CCDC32: variants seen among roughly 807,000 people sequenced by gnomAD.
CCDC32 encodes coiled-coil domain-containing protein 32.
A neutral mutation model predicts 20.1 loss-of-function variants in CCDC32; 9 were observed. That is an observed-to-expected ratio of 0.45 (90% CI 0.27 to 0.78). The LOEUF (loss-of-function observed/expected upper bound fraction) is 0.78, where lower values mean the gene tolerates loss of function less well. Among genes scored for constraint, CCDC32 ranks in the 30% least tolerant of loss-of-function variants. CCDC32 has a pLI of 0.16. For synonymous variants in CCDC32, 63 were observed against 79.0 expected (o/e 0.80, Z 1.07); for missense variants, 204 against 215.5 (o/e 0.95, Z 0.33).
chr15:40,550,754 C>T (rs762368218), downstream of CCDC32, among the ~76,000 whole-genome samples: 16 of 152,170 alleles, frequency 1.1e-4, no homozygotes, highest in African/African-American at 1.7e-4. Context: ...CCTCTCACAC[C>T]GCACCCAGGT....
At chr15:40,523,280 G>A in the CCDC32 span, among the ~76,000 whole-genome samples, 1 of 151,806 alleles carries the variant, frequency 6.6e-6, no homozygotes, top group Non-Finnish European at 1.5e-5. Context: ...TGAGGTGGGT[G>A]GATCACCTGA....
intron 3 of CCDC32, among the ~76,000 whole-genome samples, chr15:40,554,342 T>C (rs562366103): frequency 6.6e-6 from 1 of 152,284 alleles, no homozygotes; most frequent in East Asian, 1.9e-4. Flanking sequence ...GTGGGCACTT[T>C]GACTACAGGC....
At chr15:40,528,869 C>A (rs752662782) in intron 3 of CCDC32, 63 of 666,008 alleles carry the variant, frequency 9.5e-5, no homozygotes, top group Non-Finnish European at 1.6e-4. Flanking sequence ...GGCTCTGAGC[C>A]TGGGATTTCC....
downstream of CCDC32, chr15:40,535,695 A>G: frequency 1.0e-6 from 1 of 962,452 alleles, no homozygotes; most frequent in African/African-American, 1.8e-5. Context: ...GGAAGTCATC[A>G]GTGTGCGGGA....
the CCDC32 span, among the ~76,000 whole-genome samples, chr15:40,521,778 G>T: frequency 3.3e-5 from 5 of 152,268 alleles, no homozygotes; most frequent in African/African-American, 1.2e-4. Flanking sequence ...TGTCTATTCA[G>T]ATCCTTTGCC....
chr15:40,535,549 C>T, downstream of CCDC32: 1 of 985,762 alleles, frequency 1.0e-6, no homozygotes, highest in Non-Finnish European at 1.2e-6. Context: ...TCTCCTCCTC[C>T]ACTCAGCTTC....
chr15:40,539,590 C>T (rs1023659119), intron 3 of CCDC32, among the ~76,000 whole-genome samples: 5 of 152,152 alleles, frequency 3.3e-5, no homozygotes, highest in Non-Finnish European at 5.9e-5. Flanking sequence ...CACGGGGGCC[C>T]GTGGCACCAC....
downstream of CCDC32, among the ~76,000 whole-genome samples, chr15:40,533,653 A>G (rs1177908326): frequency 6.6e-6 from 1 of 152,146 alleles, no homozygotes; most frequent in African/African-American, 2.4e-5. Flanking sequence ...ATTGTCCTGC[A>G]TTGTTATAAA....
rs1287110008 is a variant in CCDC32, at chr15:40,562,867, C to T, written c.149G>A (p.Gly50Asp). The T allele has an allele frequency of 6.2e-7, 1 of 1,614,110 alleles. No individual in the cohort carries two copies. Among genetic ancestry groups the T allele is most frequent in the Admixed American group, 1.7e-5 (1 of 60,010 alleles). Residue 50 changes from glycine to aspartate, a missense_variant, in exon 2 of 4, where the codon GGT becomes GAT. Transcript: ENST00000416810. Reference protein sequence around the residue: ...SDSFVDSCPEGEGQREVADFA... With the variant: ...SDSFVDSCPEDEGQREVADFA... ...GTCAGCCACCTCCCTCTGGCCTTCACCTTCAGGGCAAGAATCCACAAAGGA... is the reference window on the plus strand; with the variant it reads ...GTCAGCCACCTCCCTCTGGCCTTCATCTTCAGGGCAAGAATCCACAAAGGA...
chr15:40,553,959 TGTGTGTGTA>T lies in CCDC32; in HGVS notation c.*3_*11del. 1 of 1,460,718 alleles carries T rather than the reference TGTGTGTGTA, an allele frequency of 6.8e-7. No individual in the cohort carries two copies. The highest frequency in any genetic ancestry group is 9.2e-7 in the Non-Finnish European group (1 of 1,087,182). The allele number at this position is 1,460,718 out of a possible 1,614,324, so 90.5% of individuals were successfully genotyped here. ...GTGTGTGTGTGTGTGTGTGTGTGTG[TGTGTGTGTA>T]ATTTACTGTTCTGCTGCTGCTGGCT... On this transcript the variant is annotated 3_prime_UTR_variant, in exon 4 of 4. Coordinates refer to ENST00000416810, the MANE Select transcript of CCDC32 (RefSeq NM_001080792.4).
downstream of CCDC32, among the ~76,000 whole-genome samples, chr15:40,548,685 T>A (rs866393333): frequency 1.3e-5 from 2 of 152,208 alleles, no homozygotes; most frequent in South Asian, 4.2e-4. Flanking sequence ...CTTCTCTACC[T>A]CTCTGTGGCC....
At chr15:40,527,730 GC>G (rs535131684), downstream of CCDC32, among the ~76,000 whole-genome samples, 60 of 152,334 alleles carry the variant, frequency 3.9e-4, no homozygotes, top group South Asian at 2.9e-3. Flanking sequence ...AGCACGTTCA[GC>G]CCCCTCACCA....
At chr15:40,530,099 C>G (rs1457521058), downstream of CCDC32, among the ~76,000 whole-genome samples, 1 of 150,814 alleles carries the variant, frequency 6.6e-6, no homozygotes, top group Admixed American at 6.6e-5. Flanking sequence ...CGAGACCAGC[C>G]TGGCCAACAT....
intron 3 of CCDC32, among the ~76,000 whole-genome samples, chr15:40,545,449 T>A (rs2141617725): frequency 8.4e-6 from 1 of 118,678 alleles, no homozygotes; most frequent in East Asian, 2.5e-4. Context: ...GAGGAGAGAG[T>A]CAGTTTGTTT....
chr15:40,541,607 C>T (rs905514214), intron 3 of CCDC32, among the ~76,000 whole-genome samples: 4 of 152,224 alleles, frequency 2.6e-5, no homozygotes, highest in African/African-American at 4.8e-5. Context: ...GTTGGGATTA[C>T]AGGCCACCGC....
At chr15:40,539,716 C>T (rs1889295035) in intron 3 of CCDC32, among the ~76,000 whole-genome samples, 2 of 152,120 alleles carry the variant, frequency 1.3e-5, no homozygotes, top group African/African-American at 2.4e-5. Flanking sequence ...TCTTGGCCTC[C>T]TGCTCTCTGA....
chr15:40,522,215 T>A, the CCDC32 span, among the ~76,000 whole-genome samples: 125 of 152,204 alleles, frequency 8.2e-4, no homozygotes, highest in African/African-American at 2.9e-3. Flanking sequence ...AAAAATACTA[T>A]TTTTTTCTCC....
At chr15:40,562,650 A>G (rs1055152795) in intron 2 of CCDC32, 122 bp downstream of exon 2, 2 of 1,173,248 alleles carry the variant, frequency 1.7e-6, no homozygotes, top group Non-Finnish European at 2.4e-6. Context: ...CCGGCTTGAA[A>G]CATCCCTTGG....
chr15:40,553,908 GT>G lies in CCDC32; in HGVS notation c.*62del. Reference sequence around the variant, plus strand: ...TGGACCCGAGACAGCTGCTCGGCGTGTGTGTGTGTGTGTGTGTGTGTGTGTG... The same window carrying G: ...TGGACCCGAGACAGCTGCTCGGCGTGGTGTGTGTGTGTGTGTGTGTGTGTG... On this transcript the variant is annotated 3_prime_UTR_variant, in exon 4 of 4. Transcript: ENST00000416810. 8.0e-5 allele frequency: 1 copy of G among 12,500 alleles called. No homozygotes were observed. Among genetic ancestry groups the G allele is most frequent in the Non-Finnish European group, 1.1e-4 (1 of 8,918 alleles). 0.8% of individuals were successfully genotyped at this position (12,500 alleles called of 1,614,324 possible).
Sources: allele counts gnomAD v4.1 joint callset (sites outside exome capture counted in the v4.1 genomes callset), GRCh38; gene constraint gnomAD v4.1.1; transcripts MANE v1.5; gene names NCBI Gene and HGNC (gene_info 2026-07-23, HGNC 2026-07-21).